Variants in CYRIB observed in about 807,000 individuals in gnomAD.
CYRIB encodes CYFIP related Rac1 interactor B.
Under a neutral mutation model 44.2 loss-of-function variants are expected in CYRIB, and 8 were observed. The ratio of observed to expected loss-of-function variants is 0.18; its 90% CI spans 0.11 to 0.33. The LOEUF is 0.33. Among genes scored for constraint, CYRIB ranks in the 10% least tolerant of loss-of-function variants. The probability of loss-of-function intolerance (pLI) is 1.00; values close to 1 mark genes in which losing one functional copy is unlikely to be tolerated. For synonymous variants in CYRIB, 131 were observed against 127.2 expected (o/e 1.03, Z -0.20); for missense variants, 185 against 382.8 (o/e 0.48, Z 4.31).
At chr8:129,989,371 G>A (rs954261451) in intron 1 of CYRIB, among the ~76,000 whole-genome samples, 3 of 152,150 alleles carry the variant, frequency 2.0e-5, no homozygotes, top group Non-Finnish European at 4.4e-5. Flanking sequence ...TTCCCAAAGC[G>A]GACCGAGGCT....
At chr8:129,955,046 G>T (rs1397828673) in intron 2 of CYRIB, among the ~76,000 whole-genome samples, 1 of 152,064 alleles carries the variant, frequency 6.6e-6, no homozygotes, top group Admixed American at 6.6e-5. Context: ...TTGAGTTTAG[G>T]AGTTTGAAAC....
At chr8:129,881,091 A>G (rs888853987) in intron 2 of CYRIB, among the ~76,000 whole-genome samples, 1 of 151,004 alleles carries the variant, frequency 6.6e-6, no homozygotes, top group Non-Finnish European at 1.5e-5. Flanking sequence ...TTAACACAGC[A>G]AACAGGGAGC....
intron 1 of CYRIB, among the ~76,000 whole-genome samples, chr8:130,010,433 A>G (rs2097191024): frequency 1.3e-5 from 2 of 152,194 alleles, no homozygotes; most frequent in South Asian, 4.1e-4. Flanking sequence ...AGGAGGTCCC[A>G]GTTCCCTTGT....
intron 1 of CYRIB, among the ~76,000 whole-genome samples, chr8:129,923,588 G>C (rs1563990889): frequency 6.6e-6 from 1 of 151,956 alleles, no homozygotes; most frequent in Non-Finnish European, 1.5e-5. Context: ...TCAACCTTTA[G>C]TCTCTTATTT....
chr8:129,960,320 C>T (rs960813698), intron 2 of CYRIB, among the ~76,000 whole-genome samples: 1 of 152,170 alleles, frequency 6.6e-6, no homozygotes, highest in African/African-American at 2.4e-5. Context: ...CACGATCAGG[C>T]GCAGTAGCTC....
chr8:129,960,195 C>T (rs1265051866), intron 2 of CYRIB, among the ~76,000 whole-genome samples: 1 of 152,168 alleles, frequency 6.6e-6, no homozygotes, highest in African/African-American at 2.4e-5. Flanking sequence ...CTTTAAGTTC[C>T]CTGGGAGCAG....
At chr8:130,013,699 C>T (rs2097278175) in intron 1 of CYRIB, among the ~76,000 whole-genome samples, 1 of 152,124 alleles carries the variant, frequency 6.6e-6, no homozygotes, top group South Asian at 2.1e-4. Flanking sequence ...CCTCGGGCGT[C>T]CTTCCTGTTC....
chr8:129,991,943 CAAAAAA>C lies in CYRIB; in HGVS notation c.-295-20954_-295-20949del, dbSNP rs35897320. ...TCCAGCCTGGGCAACAGCAGAGTCG[CAAAAAA>C]AAAAAAAAAAAAAAAAAAAAAAACA... On this transcript the variant is annotated intron_variant, in intron 1 of 14. Coordinates refer to the CYRIB transcript ENST00000401979. 7.8e-4 allele frequency among the ~76,000 whole-genome samples: 15 copies of C among 19,200 alleles called. No homozygotes were observed. The East Asian group carries it at 8.0e-3, about 10-fold the overall frequency. The allele number at this position is 19,200 out of a possible 152,430, so 12.6% of individuals were successfully genotyped here. A position where few individuals can be genotyped will look rare whatever the true frequency, so the allele number is the denominator to read the frequency against.
At chr8:129,874,230 T>C (rs1050400004) in intron 3 of CYRIB, among the ~76,000 whole-genome samples, 1 of 151,966 alleles carries the variant, frequency 6.6e-6, no homozygotes, top group Admixed American at 6.6e-5. Context: ...CTACTGAGGG[T>C]AGACATATTC....
intron 3 of CYRIB, among the ~76,000 whole-genome samples, chr8:129,872,138 T>C (rs1202952510): frequency 1.2e-4 from 18 of 152,146 alleles, no homozygotes; most frequent in Non-Finnish European, 2.5e-4. Flanking sequence ...ACTATTCTGC[T>C]GATGAACAGA....
intron 11 of CYRIB, among the ~76,000 whole-genome samples, chr8:129,846,464 AT>A (rs2040092300): frequency 6.6e-6 from 1 of 152,160 alleles, no homozygotes; most frequent in Non-Finnish European, 1.5e-5. Flanking sequence ...TTTTATTTAC[AT>A]TTTCTTATGT....
chr8:129,871,450 A>G lies in CYRIB; in HGVS notation c.120T>C (p.Asn40=), dbSNP rs764860255. 7.4e-6 allele frequency: 12 copies of G among 1,611,186 alleles called. No individual in the cohort carries two copies. The East Asian group carries it at 2.7e-4, about 36-fold the overall frequency. ...TGCCTTCTGCATCTTTTAATACTACATTCACCTGATTATAAATTTCCTTCT... is the reference window on the plus strand; with the variant it reads ...TGCCTTCTGCATCTTTTAATACTACGTTCACCTGATTATAAATTTCCTTCT... Residue 40 remains asparagine (N), a synonymous_variant, in exon 4 of 12, where the codon AAT becomes AAC. Coordinates refer to ENST00000519824, the Ensembl canonical transcript of CYRIB.
chr8:130,001,414 G>C (rs1232959148), intron 1 of CYRIB, among the ~76,000 whole-genome samples: 1 of 151,582 alleles, frequency 6.6e-6, no homozygotes, highest in Admixed American at 6.6e-5. Flanking sequence ...CCCACCACCT[G>C]AACCAAAGTT....
chr8:129,881,534 C>T (rs992471560), intron 2 of CYRIB, among the ~76,000 whole-genome samples: 1 of 152,224 alleles, frequency 6.6e-6, no homozygotes, highest in Non-Finnish European at 1.5e-5. Context: ...ATGTTTCTAA[C>T]TGTAAGCTTC....
Position 129,849,475 on chromosome 8 carries a change from T to C in CYRIB, c.714-106A>G. 4 of 1,131,858 alleles carry C rather than the reference T, an allele frequency of 3.5e-6. No homozygotes were observed. The African/African-American group carries it at 6.3e-5, about 18-fold the overall frequency. The allele number at this position is 1,131,858 out of a possible 1,614,324, so 70.1% of individuals were successfully genotyped here. A position where few individuals can be genotyped will look rare whatever the true frequency, so the allele number is the denominator to read the frequency against. ...TTCTGAAATATTTTATTCAAATTTCTATCCATTAGTTGAATGCAGTATGTT... is the reference window on the plus strand; with the variant it reads ...TTCTGAAATATTTTATTCAAATTTCCATCCATTAGTTGAATGCAGTATGTT... On this transcript the variant is annotated intron_variant, in intron 9 of 11. Transcript: ENST00000519824.
intron 2 of CYRIB, among the ~76,000 whole-genome samples, chr8:129,962,339 G>A (rs1246612990): frequency 1.3e-5 from 2 of 152,142 alleles, no homozygotes; most frequent in East Asian, 1.9e-4. Context: ...CAGATACTCA[G>A]GAGGGAGGCA....
At chr8:129,904,046 G>A (rs1759490872) in intron 1 of CYRIB, among the ~76,000 whole-genome samples, 1 of 152,162 alleles carries the variant, frequency 6.6e-6, no homozygotes, top group African/African-American at 2.4e-5. Flanking sequence ...CAGCCACCAT[G>A]CCGGGCTTGG....
intron 1 of CYRIB, among the ~76,000 whole-genome samples, chr8:129,932,806 G>C (rs2091907022): frequency 6.6e-6 from 1 of 152,186 alleles, no homozygotes; most frequent in Non-Finnish European, 1.5e-5. Context: ...TGGGACAAGG[G>C]AAGATACCCT....
intron 5 of CYRIB, among the ~76,000 whole-genome samples, chr8:129,860,255 T>C (rs1225449672): frequency 6.6e-6 from 1 of 152,214 alleles, no homozygotes; most frequent in African/African-American, 2.4e-5. Context: ...TATTTTACAA[T>C]TATTCTTTGT....
Sources: gnomAD v4.1 joint callset for allele counts (sites outside exome capture counted in the v4.1 genomes callset) on GRCh38, gnomAD v4.1.1 for gene constraint, MANE v1.5 for transcripts, NCBI Gene and HGNC (gene_info 2026-07-23, HGNC 2026-07-21) for gene names.